Variants in RBFOX1 observed in about 807,000 individuals in gnomAD.
RBFOX1 encodes RNA binding protein fox-1 homolog 1.
RBFOX1 carries 8 observed loss-of-function variants against 57.7 expected under a neutral mutation model. That is an observed-to-expected ratio of 0.14 (90% confidence interval 0.08 to 0.25). The LOEUF is 0.25. RBFOX1 is among the 10% of genes least tolerant of loss of function. The pLI, the probability that RBFOX1 is intolerant of heterozygous loss-of-function variation, is 1.00. For synonymous variants in RBFOX1, 326 were observed against 222.4 expected, an observed-to-expected ratio of 1.47 and a Z score of -4.15; for missense variants, 611 against 548.5, an observed-to-expected ratio of 1.11 and a Z score of -1.14.
chr16:6,688,104 A>G (rs751054466), intron 3 of RBFOX1, among the ~76,000 whole-genome samples: 1 of 152,056 alleles, frequency 6.6e-6, no homozygotes, highest in Non-Finnish European at 1.5e-5. Context: ...AAGAGATTTC[A>G]TTGGCTCCGG....
chr16:7,318,889 C>T (rs567872179), intron 4 of RBFOX1, among the ~76,000 whole-genome samples: 12 of 152,176 alleles, frequency 7.9e-5, no homozygotes, highest in South Asian at 2.1e-4. Flanking sequence ...AAAATAACAA[C>T]GAAGGCTGCT....
At chr16:6,545,950 T>C (rs1346899226) in intron 2 of RBFOX1, among the ~76,000 whole-genome samples, 1 of 152,208 alleles carries the variant, frequency 6.6e-6, no homozygotes, top group African/African-American at 2.4e-5. Context: ...TACTGTTGTC[T>C]AAAACAGGGA....
intron 4 of RBFOX1, among the ~76,000 whole-genome samples, chr16:7,247,149 T>A (rs2094334780): frequency 6.6e-6 from 1 of 152,150 alleles, no homozygotes; most frequent in African/African-American, 2.4e-5. Flanking sequence ...TGGAGGGAAC[T>A]CTGGTCCCTG....
At chr16:6,366,497 T>A (rs1189678706) in intron 2 of RBFOX1, among the ~76,000 whole-genome samples, 1 of 152,188 alleles carries the variant, frequency 6.6e-6, no homozygotes, top group Non-Finnish European at 1.5e-5. Flanking sequence ...GAGGTAAGAA[T>A]GGATTCGTTG....
chr16:7,518,420 G>T, intron 5 of RBFOX1, 31 bp downstream of exon 5: 1 of 1,581,470 alleles, frequency 6.3e-7, no homozygotes, highest in African/African-American at 1.3e-5. Flanking sequence ...CGGGTGGGAG[G>T]TTATGGGGAG....
At chr16:7,515,410 A>G (rs1306598502) in intron 4 of RBFOX1, among the ~76,000 whole-genome samples, 3 of 152,032 alleles carry the variant, frequency 2.0e-5, no homozygotes, top group Non-Finnish European at 4.4e-5. Flanking sequence ...AAGAGTTAAA[A>G]ATACTGTATT....
rs563406639 is a variant in RBFOX1, at chr16:6,941,218, C to A, written c.-15-110839C>A. Among the ~76,000 whole-genome samples the A allele has an allele frequency of 7.3e-5, 11 of 150,204 alleles. 1 individual carries two copies. The South Asian group carries it at 2.4e-3, about 32-fold the overall frequency. On this transcript the variant is annotated intron_variant, in intron 3 of 15. Transcript: ENST00000550418. ...TATATATATATTCCCTTCCTTCCCTCCCATTACCTCCCTCCCTCCATCCCC... is the reference window on the plus strand; with the variant it reads ...TATATATATATTCCCTTCCTTCCCTACCATTACCTCCCTCCCTCCATCCCC...
intron 3 of RBFOX1, among the ~76,000 whole-genome samples, chr16:6,670,604 A>G (rs1212825239): frequency 6.6e-6 from 1 of 152,242 alleles, no homozygotes; most frequent in Non-Finnish European, 1.5e-5. Flanking sequence ...AATGCAAATT[A>G]AAACCATATA....
At position 6,693,650 on chromosome 16, in the gene RBFOX1, A is replaced by G. The variant is rs542704947; in HGVS notation, c.-16+39000A>G. The stretch of plus-strand genomic sequence containing the variant: ...TTTATTCACTACCATCACCACCACA[A>G]TCATCATCATCATCCTCATCTGCTA... On this transcript the variant is annotated intron_variant, in intron 3 of 15. Transcript: ENST00000550418. 5.4e-5 allele frequency among the ~76,000 whole-genome samples: 8 copies of G among 149,094 alleles called. No individual in the cohort carries two copies. The East Asian group carries it at 6.0e-4, about 11-fold the overall frequency.
intron 1 of RBFOX1, among the ~76,000 whole-genome samples, chr16:6,310,336 A>T (rs574232697): frequency 2.0e-5 from 3 of 152,248 alleles, no homozygotes; most frequent in Non-Finnish European, 4.4e-5. Flanking sequence ...GTGATGGCTT[A>T]TGATACTAGG....
At chr16:6,924,398 A>G (rs1428759261) in intron 3 of RBFOX1, among the ~76,000 whole-genome samples, 1 of 151,858 alleles carries the variant, frequency 6.6e-6, no homozygotes, top group Non-Finnish European at 1.5e-5. Flanking sequence ...CCTCCTTTAA[A>G]CAACCAGATC....
intron 2 of RBFOX1, among the ~76,000 whole-genome samples, chr16:6,552,527 A>T (rs2097011753): frequency 6.6e-6 from 1 of 152,234 alleles, no homozygotes; most frequent in South Asian, 2.1e-4. Flanking sequence ...TAATTGCCGA[A>T]TAAATGTTAC....
chr16:5,680,520 G>A (rs2050300570), intron 3 of RBFOX1, among the ~76,000 whole-genome samples: 1 of 152,152 alleles, frequency 6.6e-6, no homozygotes, highest in African/African-American at 2.4e-5. Flanking sequence ...TGGTTCCCTT[G>A]CAGATAGACT....
chr16:7,682,469 A>G (rs923428134), intron 14 of RBFOX1, among the ~76,000 whole-genome samples: 4 of 140,588 alleles, frequency 2.8e-5, no homozygotes, highest in African/African-American at 7.8e-5. Context: ...TGTGGAATCA[A>G]TACGTGGCAA....
chr16:5,401,683 A>C (rs520615), intron 1 of RBFOX1, among the ~76,000 whole-genome samples: 13,386 of 152,086 alleles, frequency 0.088, 813 homozygotes, highest in African/African-American at 0.16. Context: ...TCCAGGGAAG[A>C]TTGGAAATTC....
At chr16:5,248,030 G>T (rs1344585571) in intron 1 of RBFOX1, among the ~76,000 whole-genome samples, 2 of 152,174 alleles carry the variant, frequency 1.3e-5, no homozygotes, top group Non-Finnish European at 2.9e-5. Context: ...GCAACTTGTT[G>T]CCCTGTTCTA....
chr16:6,618,734 T>C (rs537821877), intron 2 of RBFOX1, among the ~76,000 whole-genome samples: 2 of 152,268 alleles, frequency 1.3e-5, no homozygotes, highest in African/African-American at 4.8e-5. Context: ...CACCACAGTG[T>C]CATAAAGCTG....
At chr16:7,264,996 G>A (rs111963659) in intron 4 of RBFOX1, among the ~76,000 whole-genome samples, 32 of 152,286 alleles carry the variant, frequency 2.1e-4, no homozygotes, top group African/African-American at 7.0e-4. Flanking sequence ...ATCCATTTGC[G>A]GTTTTCAAAC....
chr16:5,929,163 G>C (rs1207779701), intron 4 of RBFOX1, among the ~76,000 whole-genome samples: 3 of 152,136 alleles, frequency 2.0e-5, no homozygotes, highest in Non-Finnish European at 4.4e-5. Context: ...GTCTTGGGAA[G>C]CGGACAGGGA....
Sources: gnomAD v4.1 joint callset for allele counts (sites outside exome capture counted in the v4.1 genomes callset) on GRCh38, gnomAD v4.1.1 for gene constraint, MANE v1.5 for transcripts, NCBI Gene and HGNC (gene_info 2026-07-23, HGNC 2026-07-21) for gene names.